NF1: variants seen among roughly 807,000 people sequenced by gnomAD.
The protein encoded by NF1 is neurofibromin 1, also known as neurofibromin.
Under a neutral mutation model 325.7 loss-of-function variants are expected in NF1, and 122 were observed. That is an observed-to-expected ratio of 0.37 (90% confidence interval 0.32 to 0.44). The LOEUF is 0.44. NF1 is among the 20% of genes least tolerant of loss of function. The probability of loss-of-function intolerance (pLI) is 1.00; values close to 1 mark genes in which losing one functional copy is unlikely to be tolerated. For synonymous variants in NF1, 1,091 were observed against 1,186.0 expected, an observed-to-expected ratio of 0.92 and a Z score of 1.65; for missense variants, 2,140 against 3,415.4, an observed-to-expected ratio of 0.63 and a Z score of 9.31.
rs1383319962 is a variant in NF1 at position 31,330,252 on chromosome 17, G to A, written c.5610-44G>A. ...TTATGAAAAAATTTTGGAACTATAA[G>A]GAAAAATACGTTTTAAAACAACTTC... On this transcript the variant is annotated intron_variant, in intron 38 of 57. Transcript: ENST00000358273. The A allele has an allele frequency of 1.9e-6, 3 of 1,589,950 alleles. No individual in the cohort carries two copies. In the African/African-American group the frequency reaches 4.0e-5, roughly 21 times the overall value.
chr17:31,158,580 G>T (rs2065708302), intron 2 of NF1, among the ~76,000 whole-genome samples: 1 of 152,084 alleles, frequency 6.6e-6, no homozygotes, highest in African/African-American at 2.4e-5. Flanking sequence ...AAATACATAT[G>T]TAGTATTCAT....
At chr17:31,354,615 GA>G (rs1467127562) in intron 51 of NF1, among the ~76,000 whole-genome samples, 1 of 152,106 alleles carries the variant, frequency 6.6e-6, no homozygotes, top group Non-Finnish European at 1.5e-5. Flanking sequence ...TTTAGCAAGG[GA>G]ACCATTTAAT....
At position 31,352,338 on chromosome 17, in the gene NF1, G is replaced by C. The variant is rs2070170345; in HGVS notation, c.7539G>C (p.Gln2513His). ...YLAATYPTVG[Q>H]TSPRARKSMS... The stretch of plus-strand genomic sequence containing the variant: ...CAGCCACCTATCCAACTGTCGGCCA[G>C]ACCAGTCCCCGAGCCAGGAAATCCA... Residue 2513 changes from glutamine to histidine, a missense_variant, in exon 51 of 58, where the codon CAG becomes CAC. Gln to His is a conservative substitution (Grantham distance 24). Around this residue, in one of 10 missense-constraint regions of NF1, gnomAD observed 522 missense variants for 749.0 expected, o/e 0.70. Transcript: ENST00000358273. 1.2e-6 allele frequency: 2 copies of C among 1,614,114 alleles called. No homozygotes were observed. The highest frequency in any genetic ancestry group is 1.3e-5 in the African/African-American group (1 of 75,020).
chr17:31,133,136 A>G (rs578137748), intron 1 of NF1: 3 of 152,250 alleles, frequency 2.0e-5, no homozygotes, highest in Non-Finnish European at 4.4e-5. Context: ...TTAAACTAGA[A>G]CTTCCCATTC....
chr17:31,307,725 T>C (rs1597804495), intron 36 of NF1, among the ~76,000 whole-genome samples: 1 of 152,228 alleles, frequency 6.6e-6, no homozygotes, highest in East Asian at 1.9e-4. Flanking sequence ...TCAAACACAA[T>C]GGCAACTATT....
intron 2 of NF1, among the ~76,000 whole-genome samples, chr17:31,158,457 A>G (rs1409685830): frequency 1.3e-5 from 2 of 152,164 alleles, no homozygotes; most frequent in South Asian, 2.1e-4. Context: ...TCCCAGTTAT[A>G]TTGAAATATT....
At chr17:31,193,792 A>C (rs532266170) in intron 8 of NF1, among the ~76,000 whole-genome samples, 2 of 152,326 alleles carry the variant, frequency 1.3e-5, no homozygotes, top group South Asian at 4.1e-4. Context: ...AAAAAAGCTC[A>C]ACATCACTAG....
chr17:31,207,625 CT>C (rs1423726006), intron 12 of NF1, among the ~76,000 whole-genome samples: 1 of 151,968 alleles, frequency 6.6e-6, no homozygotes, highest in East Asian at 1.9e-4. Context: ...TTTTAGTTGA[CT>C]TTTTGTAATG....
intron 14 of NF1, among the ~76,000 whole-genome samples, chr17:31,220,032 A>G (rs1022996230): frequency 1.3e-5 from 2 of 152,186 alleles, no homozygotes; most frequent in Non-Finnish European, 2.9e-5. Context: ...GTAAAAGTCT[A>G]TATGTGGACA....
chr17:31,212,571 G>C (rs540861403), intron 12 of NF1, among the ~76,000 whole-genome samples: 1 of 152,102 alleles, frequency 6.6e-6, no homozygotes, highest in Non-Finnish European at 1.5e-5. Context: ...TTAGCTGGGC[G>C]TGGTGGTGCA....
intron 8 of NF1, 64 bp from the exon 9 acceptor site, chr17:31,200,358 T>C: frequency 6.7e-7 from 1 of 1,486,822 alleles, no homozygotes; most frequent in Non-Finnish European, 9.3e-7. Context: ...TGCTATAATA[T>C]TAGCTACATC....
chr17:31,243,084 A>G (rs1270729436), intron 29 of NF1, among the ~76,000 whole-genome samples: 2 of 152,106 alleles, frequency 1.3e-5, no homozygotes, highest in Non-Finnish European at 2.9e-5. Flanking sequence ...GGTCTTGCAT[A>G]AGATCCTGGA....
Position 31,296,055 on chromosome 17 carries a change from G to A in NF1, c.4836-29765G>A. ...AGAGACCGAGGTAAGTGAGCAGGCAGGCTTTCAAGCCTGTTGTTTGAAATG... is the reference window on the plus strand; with the variant it reads ...AGAGACCGAGGTAAGTGAGCAGGCAAGCTTTCAAGCCTGTTGTTTGAAATG... On this transcript the variant is annotated intron_variant, in intron 36 of 57. Transcript: ENST00000358273. 1 of 1,614,042 alleles carries A rather than the reference G, an allele frequency of 6.2e-7. No individual in the cohort carries two copies. Among genetic ancestry groups the A allele is most frequent in the Non-Finnish European group, 8.5e-7 (1 of 1,179,978 alleles).
intron 1 of NF1, among the ~76,000 whole-genome samples, chr17:31,139,543 G>C (rs929760113): frequency 3.9e-5 from 6 of 152,278 alleles, no homozygotes; most frequent in Non-Finnish European, 7.4e-5. Context: ...AAAAAATGCA[G>C]ATCTACTCTT....
rs1555614928 is a variant in NF1 at position 31,232,725 on chromosome 17, T to C, written c.3340T>C (p.Leu1114=). The C allele has an allele frequency of 6.2e-7, 1 of 1,614,046 alleles. No homozygotes were observed. The highest frequency in any genetic ancestry group is 1.3e-5 in the African/African-American group (1 of 75,004). ...ATACTTCACATTATTTATGAACCTTTTGAATGACTGCAGTGAAGTTGAAGA... is the reference window on the plus strand; with the variant it reads ...ATACTTCACATTATTTATGAACCTTCTGAATGACTGCAGTGAAGTTGAAGA... ...LKYFTLFMNL[L]NDCSEVEDES... is the part of the protein sequence containing the mutation. Residue 1114 remains leucine (L), a synonymous_variant, in exon 26 of 58, where the codon TTG becomes CTG. Transcript: ENST00000358273.
chr17:31,327,662 C>CTGA lies in NF1; in HGVS notation c.5432_5433insTGA (p.Thr1811_Phe1812insAsp). The CTGA allele has an allele frequency of 6.2e-7, 1 of 1,614,152 alleles. No individual in the cohort carries two copies. The highest frequency in any genetic ancestry group is 8.5e-7 in the Non-Finnish European group (1 of 1,180,020). Reference sequence around the variant, plus strand: ...ATTGCAAACCAGGGCACGCCGCTCACCTTCATGCACCAGGAGTGTGAAGCC... The same window carrying CTGA: ...ATTGCAAACCAGGGCACGCCGCTCACTGACTTCATGCACCAGGAGTGTGAAGCC... On this transcript the variant is annotated inframe_insertion, in exon 38 of 58. Transcript: ENST00000358273.
At chr17:31,301,619 G>A (rs2068575887) in intron 36 of NF1, among the ~76,000 whole-genome samples, 1 of 152,134 alleles carries the variant, frequency 6.6e-6, no homozygotes, top group Admixed American at 6.5e-5. Flanking sequence ...TGTGATATAT[G>A]TATGTTTCAG....
chr17:31,109,440 A>G (rs578172622), intron 1 of NF1, among the ~76,000 whole-genome samples: 3 of 151,274 alleles, frequency 2.0e-5, no homozygotes, highest in East Asian at 1.9e-4. Context: ...CTGGAGTGCA[A>G]TGGCGCGATC....
At chr17:31,320,941 T>A (rs1282478767) in intron 36 of NF1, 2 of 152,668 alleles carry the variant, frequency 1.3e-5, no homozygotes, top group African/African-American at 4.8e-5. Flanking sequence ...TTGGTACACA[T>A]TTTAACAGTG....
Sources: allele counts gnomAD v4.1 joint callset (sites outside exome capture counted in the v4.1 genomes callset), GRCh38; gene constraint gnomAD v4.1.1; regional missense constraint gnomAD v4.1.1; transcripts MANE v1.5; gene names NCBI Gene and HGNC (gene_info 2026-07-23, HGNC 2026-07-21).